The following DLG5 variants were observed in gnomAD, a reference collection of about 807,000 sequenced individuals.
DLG5 encodes disks large homolog 5.
In DLG5, 48 loss-of-function variants were observed where a neutral mutation model predicts 189.8. The observed-to-expected ratio is 0.25, with a 90% CI of 0.20 to 0.32. DLG5 has a LOEUF of 0.32. Ranked by LOEUF, DLG5 falls within the 10% of genes least tolerant of loss-of-function variation. DLG5 has a pLI of 1.00. For missense variants in DLG5, 2,160 were observed against 2,544.7 expected (o/e 0.85, Z 3.25); for synonymous variants, 1,016 against 1,054.1 (o/e 0.96, Z 0.70).
At chr10:77,882,991 C>T (rs915747310) in intron 1 of DLG5, among the ~76,000 whole-genome samples, 5 of 152,090 alleles carry the variant, frequency 3.3e-5, no homozygotes, top group Non-Finnish European at 7.4e-5. Flanking sequence ...TCTCTGGGCC[C>T]TCAGGGTGGA....
chr10:77,917,512 G>A (rs540073241), intron 1 of DLG5, among the ~76,000 whole-genome samples: 5 of 131,166 alleles, frequency 3.8e-5, no homozygotes, highest in Non-Finnish European at 7.7e-5. Flanking sequence ...AACAGAGTGA[G>A]ACTCCATCTC....
rs535677304 is a variant in DLG5 at position 77,904,469 on chromosome 10, A to G, written c.304+21748T>C. 7.2e-5 allele frequency among the ~76,000 whole-genome samples: 11 copies of G among 152,238 alleles called. No individual in the cohort carries two copies. The East Asian group carries it at 1.9e-3, about 27-fold the overall frequency. On this transcript the variant is annotated intron_variant, in intron 1 of 31. Transcript: ENST00000372391. ...TGGAGGGGCCAGGGGTGGAATGATA[A>G]TGATTTGGCTGTGTCCCTATTCAAA...
chr10:77,911,729 G>A (rs562641869), intron 1 of DLG5, among the ~76,000 whole-genome samples: 1 of 152,068 alleles, frequency 6.6e-6, no homozygotes, highest in Non-Finnish European at 1.5e-5. Context: ...TGGCCACCAG[G>A]GCAGCAGCTC....
Position 77,811,254 on chromosome 10 carries a change from G to A in DLG5, c.4323-20C>T, listed in dbSNP as rs773229833. ...TGTGAGCTGGAGGCGGAGGACAGGA[G>A]GGATAAGGAGCAGTACGAAGCCACC... On this transcript the variant is annotated intron_variant, in intron 22 of 31. Transcript: ENST00000372391. 2.5e-6 allele frequency: 4 copies of A among 1,610,224 alleles called. No individual in the cohort carries two copies. The highest frequency in any genetic ancestry group is 3.3e-5 in the Admixed American group (2 of 59,776).
Position 77,926,251 on chromosome 10 carries a change from G to A in DLG5, c.270C>T (p.Gly90=), listed in dbSNP as rs2131889031. The A allele has an allele frequency of 6.5e-7, 1 of 1,539,936 alleles. No individual in the cohort carries two copies. Residue 90 remains glycine (G), a synonymous_variant, in exon 1 of 32, where the codon GGC becomes GGT. Coordinates refer to ENST00000372391, the MANE Select transcript of DLG5 (RefSeq NM_004747.4). The surrounding 1 kb of genome is among the most constrained non-coding windows in gnomAD (Gnocchi z 5.2). ...PHLLPILYLN[G]VVGPPQPAEG... is the part of the protein sequence containing the mutation. ...CGGCGGGCTGCGGCGGCCCGACGACGCCGTTCAGGTAGAGAATGGGCAGCA... is the reference window on the plus strand; with the variant it reads ...CGGCGGGCTGCGGCGGCCCGACGACACCGTTCAGGTAGAGAATGGGCAGCA...
intron 5 of DLG5, among the ~76,000 whole-genome samples, chr10:77,852,426 G>A (rs1844024684): frequency 6.6e-6 from 1 of 152,068 alleles, no homozygotes; most frequent in Non-Finnish European, 1.5e-5. Flanking sequence ...TTGTTTGTTT[G>A]TTTGTTTGAG....
At chr10:77,899,747 T>C (rs565839714) in intron 1 of DLG5, among the ~76,000 whole-genome samples, 2 of 152,168 alleles carry the variant, frequency 1.3e-5, no homozygotes, top group South Asian at 2.1e-4. Context: ...CCCTGGCCTC[T>C]TCCTCCAAAA....
Position 77,853,542 on chromosome 10 carries a change from A to G in DLG5, c.681-5T>C. ...AGGAGCCGGCTGTGGAGTGTGCTGA[A>G]ACACCCGGTACATGCTCAGTGAGCC... On this transcript the variant is annotated splice_region_variant and splice_polypyrimidine_tract_variant and intron_variant, in intron 4 of 31. Transcript: ENST00000372391. 6.3e-7 allele frequency: 1 copy of G among 1,586,736 alleles called. No individual in the cohort carries two copies.
intron 19 of DLG5, 94 bp downstream of exon 19, chr10:77,816,913 G>T (rs1474369013): frequency 2.1e-6 from 3 of 1,456,020 alleles, no homozygotes; most frequent in Non-Finnish European, 2.9e-6. Flanking sequence ...TGACTGAGAT[G>T]ACTATGAAGT....
In DLG5 at chr10:77,794,103, G is replaced by C. The variant is rs1568107796; in HGVS notation, c.5561C>G (p.Pro1854Arg). Reference protein sequence around the residue: ...SAKHIKEQRDPIYLRDKVTQR... With the variant: ...SAKHIKEQRDRIYLRDKVTQR... ...AGTCACCTTGTCCCTCAGGTAGATGGGGTCTCTCTGCTCCCTGTGGGGACA... is the reference window on the plus strand; with the variant it reads ...AGTCACCTTGTCCCTCAGGTAGATGCGGTCTCTCTGCTCCCTGTGGGGACA... Residue 1854 changes from proline to arginine, a missense_variant, in exon 31 of 32, where the codon CCC (proline) becomes CGC (arginine). Pro to Arg is a moderately radical substitution (Grantham distance 103). This residue lies in a region of DLG5 where 574 missense variants were observed against 644.2 expected (regional missense o/e 0.89). Coordinates refer to ENST00000372391, the MANE Select transcript of DLG5 (RefSeq NM_004747.4). 6.2e-7 allele frequency: 1 copy of C among 1,613,988 alleles called. No individual in the cohort carries two copies. Among genetic ancestry groups the C allele is most frequent in the African/African-American group, 1.3e-5 (1 of 74,924 alleles).
At chr10:77,816,863 C>T (rs966652861) in intron 19 of DLG5, 144 bp downstream of exon 19, 9 of 1,336,856 alleles carry the variant, frequency 6.7e-6, no homozygotes, top group South Asian at 2.6e-5. Flanking sequence ...ACCCCCCACA[C>T]CACCAGGCCT....
chr10:77,803,435 A>G (rs1345257019), intron 27 of DLG5, among the ~76,000 whole-genome samples: 1 of 152,274 alleles, frequency 6.6e-6, no homozygotes, highest in Admixed American at 6.5e-5. Context: ...CATGCTGCTT[A>G]TAAGGGATAT....
At chr10:77,854,429 G>C in intron 3 of DLG5, 59 bp from the exon 4 acceptor site, 1 of 1,602,004 alleles carries the variant, frequency 6.2e-7, no homozygotes, top group African/African-American at 1.3e-5. Context: ...ACGGATAGAG[G>C]AACCAGGTCC....
At chr10:77,820,108 G>A in intron 15 of DLG5, 90 bp from the exon 16 acceptor site, 1 of 1,537,808 alleles carries the variant, frequency 6.5e-7, no homozygotes, top group African/African-American at 1.4e-5. Context: ...CACTCTGGGA[G>A]GCCGAGGCGG....
chr10:77,814,505 A>ATCTC (rs1555546642), intron 20 of DLG5, among the ~76,000 whole-genome samples: 6 of 110,254 alleles, frequency 5.4e-5, no homozygotes, highest in Admixed American at 1.0e-4. Context: ...ATATATATAT[A>ATCTC]TCCAAAGGGT....
At chr10:77,818,825 G>A (rs115699584) in intron 17 of DLG5, among the ~76,000 whole-genome samples, 318 of 151,370 alleles carry the variant, frequency 2.1e-3, no homozygotes, top group African/African-American at 7.0e-3. Flanking sequence ...AAAACCACAC[G>A]ACATGAGCTA....
chr10:77,835,600 G>T, intron 8 of DLG5, 138 bp downstream of exon 8: 1 of 869,160 alleles, frequency 1.2e-6, no homozygotes, highest in Non-Finnish European at 1.7e-6. Context: ...ATCAACTAGG[G>T]GTGAGAAAGG....
intron 6 of DLG5, among the ~76,000 whole-genome samples, chr10:77,842,406 G>A (rs1057013381): frequency 2.0e-5 from 3 of 152,226 alleles, no homozygotes; most frequent in African/African-American, 7.2e-5. Flanking sequence ...AATGCCAGGA[G>A]TTGAACTGAG....
chr10:77,811,292 C>G (rs1841759775), intron 22 of DLG5, 58 bp from the exon 23 acceptor site: 1 of 1,570,400 alleles, frequency 6.4e-7, no homozygotes, highest in Non-Finnish European at 8.6e-7. Flanking sequence ...GAGCCACCCC[C>G]ACTCCTGTGG....
Sources: gnomAD v4.1 joint callset for allele counts (sites outside exome capture counted in the v4.1 genomes callset) on GRCh38, gnomAD v4.1.1 for gene constraint, gnomAD v4.1.1 regional missense constraint, Gnocchi (gnomAD v3.1) non-coding constraint, MANE v1.5 for transcripts, NCBI Gene and HGNC (gene_info 2026-07-23, HGNC 2026-07-21) for gene names.